CSMD1: variants seen among roughly 807,000 people sequenced by gnomAD.
CSMD1 encodes CUB and sushi domain-containing protein 1.
Under a neutral mutation model 417.5 loss-of-function variants are expected in CSMD1, and 213 were observed. The ratio of observed to expected loss-of-function variants is 0.51; its 90% CI spans 0.46 to 0.57. The LOEUF is 0.57. CSMD1 is among the 20% of genes least tolerant of loss of function. CSMD1 has a pLI of 0.00. For synonymous variants in CSMD1, 2,862 were observed against 1,736.8 expected (o/e 1.65, Z -16.11); for missense variants, 6,923 against 4,529.7 (o/e 1.53, Z -15.17).
chr8:3,201,767 G>A lies in CSMD1; in HGVS notation c.4985-42C>T, dbSNP rs546975560. ...GGGATGTTGGCACAAGATGCTCTAAGAAAACAAAATGGAGATTTTTGATTT... is the reference window on the plus strand; with the variant it reads ...GGGATGTTGGCACAAGATGCTCTAAAAAAACAAAATGGAGATTTTTGATTT... On this transcript the variant is annotated intron_variant, in intron 31 of 69. Coordinates refer to ENST00000635120, the MANE Select transcript of CSMD1 (RefSeq NM_033225.6). The A allele has an allele frequency of 1.2e-4, 144 of 1,222,348 alleles. No homozygotes were observed. The East Asian group carries it at 2.1e-3, about 18-fold the overall frequency. The allele number at this position is 1,222,348 out of a possible 1,614,324, so 75.7% of individuals were successfully genotyped here.
chr8:4,877,344 TTA>T (rs1488238389), intron 1 of CSMD1, among the ~76,000 whole-genome samples: 1 of 152,086 alleles, frequency 6.6e-6, no homozygotes, highest in Non-Finnish European at 1.5e-5. Context: ...TTAAGATAAA[TTA>T]TGTTATTTTA....
intron 2 of CSMD1, among the ~76,000 whole-genome samples, chr8:4,484,698 G>A (rs922433484): frequency 6.6e-6 from 1 of 152,042 alleles, no homozygotes; most frequent in South Asian, 2.1e-4. Context: ...CACCGGGCAC[G>A]ATGGCTCACG....
intron 2 of CSMD1, among the ~76,000 whole-genome samples, chr8:4,621,092 G>A (rs915033270): frequency 6.6e-5 from 10 of 152,040 alleles, no homozygotes; most frequent in Admixed American, 3.3e-4. Context: ...AACAGCAGCT[G>A]AGTATTTCTT....
At chr8:4,384,501 A>T (rs1803317746) in intron 3 of CSMD1, among the ~76,000 whole-genome samples, 1 of 152,244 alleles carries the variant, frequency 6.6e-6, no homozygotes, top group African/African-American at 2.4e-5. Context: ...TTGATCAAAT[A>T]GTTGATACTG....
chr8:4,369,775 T>G (rs1802295393), intron 3 of CSMD1, among the ~76,000 whole-genome samples: 4 of 152,240 alleles, frequency 2.6e-5, no homozygotes, highest in Admixed American at 2.6e-4. Context: ...GTTCATTTTC[T>G]GTTTGCCTGA....
chr8:3,327,959 C>A (rs974477280), intron 23 of CSMD1, among the ~76,000 whole-genome samples: 1 of 152,122 alleles, frequency 6.6e-6, no homozygotes, highest in Non-Finnish European at 1.5e-5. Flanking sequence ...CTAGCCCTAG[C>A]CCAGAATGCA....
intron 1 of CSMD1, among the ~76,000 whole-genome samples, chr8:4,648,436 C>G (rs1183517498): frequency 6.6e-6 from 1 of 152,144 alleles, no homozygotes; most frequent in Non-Finnish European, 1.5e-5. Context: ...TCAGTCCACA[C>G]CACAAGGGCA....
At chr8:3,597,298 C>G (rs1422520942) in intron 8 of CSMD1, among the ~76,000 whole-genome samples, 1 of 152,146 alleles carries the variant, frequency 6.6e-6, no homozygotes, top group Admixed American at 6.5e-5. Flanking sequence ...GATTCTGAAG[C>G]TGAGCACAGC....
chr8:3,357,001 C>T (rs1279061120), intron 21 of CSMD1, among the ~76,000 whole-genome samples: 8 of 151,896 alleles, frequency 5.3e-5, no homozygotes, highest in Non-Finnish European at 8.8e-5. Context: ...GTCTGGGGAG[C>T]CAGGGAAAGC....
chr8:3,782,641 G>T (rs966579384), intron 5 of CSMD1, among the ~76,000 whole-genome samples: 3 of 152,132 alleles, frequency 2.0e-5, no homozygotes, highest in African/African-American at 7.2e-5. Context: ...AACTTAAAGT[G>T]TAATTTAAAA....
intron 3 of CSMD1, among the ~76,000 whole-genome samples, chr8:4,301,573 C>T (rs1017275640): frequency 2.0e-5 from 3 of 152,178 alleles, no homozygotes; most frequent in East Asian, 1.9e-4. Flanking sequence ...AAAGTCTGCT[C>T]AATTATTATT....
chr8:3,663,791 G>C (rs905455396), intron 7 of CSMD1, among the ~76,000 whole-genome samples: 1 of 152,144 alleles, frequency 6.6e-6, no homozygotes, highest in Non-Finnish European at 1.5e-5. Flanking sequence ...GATGTCTCAT[G>C]TCTCCCTAAA....
intron 23 of CSMD1, among the ~76,000 whole-genome samples, chr8:3,318,897 C>T (rs1398895160): frequency 6.6e-6 from 1 of 152,126 alleles, no homozygotes; most frequent in Admixed American, 6.5e-5. Context: ...TAACACAGGT[C>T]ATGCTTGATG....
intron 2 of CSMD1, among the ~76,000 whole-genome samples, chr8:4,602,451 G>C (rs1386645359): frequency 3.3e-5 from 5 of 152,158 alleles, no homozygotes; most frequent in Non-Finnish European, 7.3e-5. Flanking sequence ...AAGGAGGACA[G>C]CTGAAACCTT....
intron 3 of CSMD1, among the ~76,000 whole-genome samples, chr8:4,138,913 C>A (rs373463648): frequency 1.3e-5 from 2 of 152,082 alleles, no homozygotes. Context: ...TTAATCCAGT[C>A]CTGCAAGCTT....
chr8:3,142,387 G>C, intron 41 of CSMD1, 78 bp downstream of exon 41: 1 of 1,251,952 alleles, frequency 8.0e-7, no homozygotes, highest in Non-Finnish European at 1.1e-6. Flanking sequence ...ACCAGTTAGG[G>C]AGATTTATAC....
chr8:3,431,401 G>C (rs955179082), intron 12 of CSMD1, among the ~76,000 whole-genome samples: 6 of 152,000 alleles, frequency 3.9e-5, no homozygotes. Flanking sequence ...TTAGTGTGCC[G>C]CTTTTGTATT....
intron 17 of CSMD1, among the ~76,000 whole-genome samples, chr8:3,394,979 G>C (rs1331372264): frequency 2.0e-5 from 3 of 152,094 alleles, no homozygotes; most frequent in African/African-American, 4.8e-5. Context: ...GCACGTTTGT[G>C]TATACTTATA....
intron 1 of CSMD1, among the ~76,000 whole-genome samples, chr8:4,748,064 G>C (rs566793876): frequency 1.3e-5 from 2 of 152,260 alleles, no homozygotes; most frequent in South Asian, 2.1e-4. Context: ...GCACTCAGCT[G>C]TGCCCCCACC....
Sources: allele counts gnomAD v4.1 joint callset (sites outside exome capture counted in the v4.1 genomes callset), GRCh38; gene constraint gnomAD v4.1.1; transcripts MANE v1.5; gene names NCBI Gene and HGNC (gene_info 2026-07-23, HGNC 2026-07-21).